ALPK1: variants seen among roughly 807,000 people sequenced by gnomAD.
ALPK1 encodes alpha kinase 1.
Under a neutral mutation model 120.6 loss-of-function variants are expected in ALPK1, and 110 were observed. That is an observed-to-expected ratio of 0.91 (90% confidence interval 0.78 to 1.07). The LOEUF (loss-of-function observed/expected upper bound fraction) is 1.07. Among genes scored for constraint, ALPK1 ranks in the 50% least tolerant of loss-of-function variants. The pLI is 0.00. For synonymous variants in ALPK1, 582 were observed against 560.3 expected (o/e 1.04, Z -0.55); for missense variants, 1,498 against 1,483.9 (o/e 1.01, Z -0.16).
chr4:112,326,788 G>T (rs1729137084), intron 2 of ALPK1, among the ~76,000 whole-genome samples: 1 of 152,218 alleles, frequency 6.6e-6, no homozygotes, highest in Non-Finnish European at 1.5e-5. Context: ...TCTAGGCATT[G>T]TTGATTGAAC....
Position 112,432,030 on chromosome 4 carries a change from A to G in ALPK1, c.2483A>G (p.Gln828Arg), listed in dbSNP as rs1734583106. The G allele has an allele frequency of 2.5e-6, 4 of 1,613,842 alleles. No individual in the cohort carries two copies. The Admixed American group carries it at 6.7e-5, about 27-fold the overall frequency. The stretch of plus-strand genomic sequence containing the variant: ...TCCTTCACCCCTAATTGGCCTGTTC[A>G]AAATCCTGACTCCAGAAAAAGTGGT... ...CSSFTPNWPVQNPDSRKSGGP... is the reference protein window; with the variant it reads ...CSSFTPNWPVRNPDSRKSGGP... The change falls in exon 11 of 16, where the codon CAA becomes CGA. Residue 828 changes from glutamine to arginine, a missense_variant. Physicochemically the swap from Gln to Arg is conservative, Grantham distance 43 (BLOSUM62 1). Transcript: ENST00000650871.
chr4:112,430,725 G>A lies in ALPK1; in HGVS notation c.1178G>A (p.Ser393Asn). The A allele has an allele frequency of 6.2e-7, 1 of 1,614,238 alleles. No individual in the cohort carries two copies. Among genetic ancestry groups the A allele is most frequent in the Non-Finnish European group, 8.5e-7 (1 of 1,180,044 alleles). ...KEAMGKLYNF[S>N]TSSRSQDREA... The stretch of plus-strand genomic sequence containing the variant: ...GCAATGGGGAAGCTGTACAATTTCA[G>A]CACTTCCTCCAGAAGTCAGGACAGA... Residue 393 changes from serine to asparagine, a missense_variant, in exon 11 of 16, where the codon AGC becomes AAC. Physicochemically the swap from Ser to Asn is conservative, Grantham distance 46. Coordinates refer to ENST00000650871, the MANE Select transcript of ALPK1 (RefSeq NM_025144.4).
intron 1 of ALPK1, among the ~76,000 whole-genome samples, chr4:112,309,978 G>A (rs1728321930): frequency 6.6e-6 from 1 of 151,662 alleles, no homozygotes; most frequent in African/African-American, 2.4e-5. Flanking sequence ...AAATTGTGAT[G>A]ATTTCTTCAT....
intron 2 of ALPK1, among the ~76,000 whole-genome samples, chr4:112,344,726 C>T (rs1490952802): frequency 2.0e-5 from 3 of 152,136 alleles, no homozygotes; most frequent in South Asian, 4.1e-4. Flanking sequence ...AGTTACTTAA[C>T]CTCCATGACC....
intron 4 of ALPK1, among the ~76,000 whole-genome samples, chr4:112,402,796 A>T (rs1261432606): frequency 2.0e-5 from 3 of 152,222 alleles, no homozygotes; most frequent in Non-Finnish European, 4.4e-5. Context: ...AAAATAAAGG[A>T]TTAGAATCCC....
intron 4 of ALPK1, among the ~76,000 whole-genome samples, chr4:112,395,975 T>C (rs6824978): frequency 6.6e-6 from 1 of 151,978 alleles, no homozygotes; most frequent in Admixed American, 6.5e-5. Context: ...GGATTTTTTT[T>C]AACAAAGGAT....
chr4:112,431,345 T>C lies in ALPK1; in HGVS notation c.1798T>C (p.Tyr600His). The C allele has an allele frequency of 1.9e-6, 3 of 1,614,162 alleles. No homozygotes were observed. The highest frequency in any genetic ancestry group is 2.5e-6 in the Non-Finnish European group (3 of 1,180,040). Residue 600 changes from tyrosine to histidine, a missense_variant, in exon 11 of 16, where the codon TAT (tyrosine) becomes CAT (histidine). Coordinates refer to ENST00000650871, the MANE Select transcript of ALPK1 (RefSeq NM_025144.4). ...SSSASWEEVN[Y>H]HVDDRSARKE... ...CTCTGCAAGCTGGGAGGAAGTGAAT[T>C]ATCACGTTGACGACAGGTCAGCCAG...
intron 1 of ALPK1, among the ~76,000 whole-genome samples, chr4:112,300,947 G>A (rs1184297367): frequency 6.6e-6 from 1 of 152,112 alleles, no homozygotes; most frequent in Non-Finnish European, 1.5e-5. Flanking sequence ...TCTGGTTACT[G>A]TGGTGCATTC....
chr4:112,382,551 T>C lies in ALPK1; in HGVS notation c.275T>C (p.Leu92Pro). ...ATTGGCGCCGGGTTGCAGCAGTTAC[T>C]GGTAGGAAGAGCCACACCACCTGTT... is the stretch of plus-strand genomic sequence containing the variant. ...DVIGAGLQQLLASLRASILAR... is the reference protein window; with the variant it reads ...DVIGAGLQQLPASLRASILAR... The change falls in exon 4 of 16, where the codon CTG (leucine) becomes CCG (proline). Residue 92 changes from leucine to proline, a missense_variant and splice_region_variant. Transcript: ENST00000650871. The C allele has an allele frequency of 6.2e-7, 1 of 1,614,148 alleles. No homozygotes were observed. Among genetic ancestry groups the C allele is most frequent in the South Asian group, 1.1e-5 (1 of 91,078 alleles).
At chr4:112,346,254 TTA>T (rs1397359731) in intron 2 of ALPK1, among the ~76,000 whole-genome samples, 1 of 152,236 alleles carries the variant, frequency 6.6e-6, no homozygotes, top group Non-Finnish European at 1.5e-5. Context: ...ATATCATATA[TTA>T]TCAGTCAGAA....
chr4:112,336,425 A>T (rs1729622785), intron 2 of ALPK1, among the ~76,000 whole-genome samples: 1 of 152,200 alleles, frequency 6.6e-6, no homozygotes, highest in Admixed American at 6.5e-5. Flanking sequence ...AAAAGTTTTA[A>T]CTGTAAGCAA....
intron 2 of ALPK1, among the ~76,000 whole-genome samples, chr4:112,333,234 A>C (rs939511630): frequency 6.6e-5 from 10 of 152,204 alleles, no homozygotes; most frequent in African/African-American, 2.4e-4. Context: ...CTCTTGGTTT[A>C]TGCCTCTCCA....
At chr4:112,367,020 G>GCTA (rs925450960) in intron 2 of ALPK1, among the ~76,000 whole-genome samples, 2 of 152,172 alleles carry the variant, frequency 1.3e-5, no homozygotes, top group African/African-American at 4.8e-5. Context: ...GCATAAGAAT[G>GCTA]CTACAGTGGA....
chr4:112,391,189 A>G (rs1732399501), intron 4 of ALPK1, among the ~76,000 whole-genome samples: 1 of 152,154 alleles, frequency 6.6e-6, no homozygotes, highest in African/African-American at 2.4e-5. Flanking sequence ...GCTGGAAGTG[A>G]CATATGCCAG....
chr4:112,373,566 C>T (rs1560658808), intron 2 of ALPK1, among the ~76,000 whole-genome samples: 3 of 152,110 alleles, frequency 2.0e-5, no homozygotes, highest in African/African-American at 2.4e-5. Flanking sequence ...TCAGTTCCAA[C>T]CGTCTGCACA....
chr4:112,408,977 A>G (rs1733324926), intron 4 of ALPK1, among the ~76,000 whole-genome samples: 1 of 152,232 alleles, frequency 6.6e-6, no homozygotes. Context: ...TGTAATTCCT[A>G]GAATGGCACT....
intron 5 of ALPK1, among the ~76,000 whole-genome samples, chr4:112,416,087 C>G (rs1733734971): frequency 6.6e-6 from 1 of 152,112 alleles, no homozygotes; most frequent in African/African-American, 2.4e-5. Flanking sequence ...AGTAGTGCTC[C>G]CCAAACTTCA....
chr4:112,436,789 C>T (rs946738912), intron 12 of ALPK1, among the ~76,000 whole-genome samples: 3 of 152,124 alleles, frequency 2.0e-5, no homozygotes, highest in Non-Finnish European at 4.4e-5. Context: ...CAGTTTATGG[C>T]ATGTTGTGAC....
chr4:112,428,309 G>A (rs1734328035), intron 9 of ALPK1, among the ~76,000 whole-genome samples: 1 of 152,178 alleles, frequency 6.6e-6, no homozygotes, highest in Admixed American at 6.5e-5. Flanking sequence ...TGACAAGGAT[G>A]TTCTGCTGCT....
Sources: gnomAD v4.1 joint callset for allele counts (sites outside exome capture counted in the v4.1 genomes callset) on GRCh38, gnomAD v4.1.1 for gene constraint, MANE v1.5 for transcripts, NCBI Gene and HGNC (gene_info 2026-07-23, HGNC 2026-07-21) for gene names.